TPST1: variants seen among roughly 807,000 people sequenced by gnomAD.
TPST1 encodes tyrosylprotein sulfotransferase 1, also known as protein-tyrosine sulfotransferase 1.
In TPST1, 20 loss-of-function variants were observed where a neutral mutation model predicts 34.8. The ratio of observed to expected loss-of-function variants is 0.57; its 90% CI spans 0.40 to 0.84. TPST1 has a LOEUF of 0.84. Among genes scored for constraint, TPST1 ranks in the 40% least tolerant of loss-of-function variants. The pLI is 0.00. For synonymous variants in TPST1, 152 were observed against 159.4 expected, an observed-to-expected ratio of 0.95 and a Z score of 0.35; for missense variants, 353 against 455.5, an observed-to-expected ratio of 0.78 and a Z score of 2.05.
Position 66,265,743 on chromosome 7 carries a change from G to A in TPST1, c.846-20768G>A, listed in dbSNP as rs555992421. ...AAGCCAAAGATAGAATCTTTAAAGC[G>A]GCAAGAGAAAAGCAGCTCATCATGT... On this transcript the variant is annotated intron_variant, in intron 2 of 5. Transcript: ENST00000304842. 2.6e-5 allele frequency among the ~76,000 whole-genome samples: 4 copies of A among 152,014 alleles called. No individual in the cohort carries two copies. The East Asian group carries it at 5.8e-4, about 22-fold the overall frequency.
intron 2 of TPST1, among the ~76,000 whole-genome samples, chr7:66,269,466 A>G (rs541852642): frequency 6.6e-6 from 1 of 152,250 alleles, no homozygotes; most frequent in Non-Finnish European, 1.5e-5. Flanking sequence ...TGTCAACAGA[A>G]TGTACTACAT....
At chr7:66,327,847 T>C (rs1308751176) in intron 3 of TPST1, among the ~76,000 whole-genome samples, 1 of 151,972 alleles carries the variant, frequency 6.6e-6, no homozygotes, top group Non-Finnish European at 1.5e-5. Flanking sequence ...CATTGGTACA[T>C]ATTTCTGGAG....
At chr7:66,230,738 G>A (rs904729130) in intron 1 of TPST1, among the ~76,000 whole-genome samples, 3 of 152,128 alleles carry the variant, frequency 2.0e-5, no homozygotes, top group Non-Finnish European at 4.4e-5. Context: ...AAGGGGACCC[G>A]AGCGGGTTGC....
At chr7:66,220,755 G>A (rs1216304048) in intron 1 of TPST1, among the ~76,000 whole-genome samples, 2 of 28,962 alleles carry the variant, frequency 6.9e-5, no homozygotes, top group Admixed American at 4.5e-4. Flanking sequence ...ACGTTATGGT[G>A]AGGACTTAAT....
intron 2 of TPST1, among the ~76,000 whole-genome samples, chr7:66,264,139 G>T (rs923432225): frequency 5.3e-5 from 8 of 152,182 alleles, no homozygotes; most frequent in East Asian, 1.9e-4. Flanking sequence ...ACTCAGAACT[G>T]CCCTACTTCT....
intron 1 of TPST1, among the ~76,000 whole-genome samples, chr7:66,213,866 G>A (rs1050989574): frequency 3.3e-5 from 5 of 151,938 alleles, no homozygotes; most frequent in Non-Finnish European, 7.4e-5. Context: ...GGTTTTCCTG[G>A]TTCTTGCTAC....
rs1790001866 is a variant in TPST1 at position 66,240,331 on chromosome 7, G to A, written c.-95G>A. 10 of 1,431,424 alleles carry A rather than the reference G, an allele frequency of 7.0e-6. No homozygotes were observed. Among genetic ancestry groups the A allele is most frequent in the South Asian group, 1.4e-5 (1 of 69,272 alleles). The allele number at this position is 1,431,424 out of a possible 1,614,324, so 88.7% of individuals were successfully genotyped here. ...CTTTTCCTTTCTCTACTAGATGTTGGTTATCTTTCTGAAGTAGACTGTCCA... is the reference window on the plus strand; with the variant it reads ...CTTTTCCTTTCTCTACTAGATGTTGATTATCTTTCTGAAGTAGACTGTCCA... On this transcript the variant is annotated 5_prime_UTR_variant, in exon 2 of 6. Transcript: ENST00000304842.
intron 3 of TPST1, among the ~76,000 whole-genome samples, chr7:66,305,355 T>C (rs1294977045): frequency 6.6e-6 from 1 of 152,164 alleles, no homozygotes; most frequent in Admixed American, 6.5e-5. Context: ...TGGTCTTTGT[T>C]CTTTGCCTGG....
intron 3 of TPST1, among the ~76,000 whole-genome samples, chr7:66,346,846 C>T (rs980399536): frequency 1.3e-5 from 2 of 151,892 alleles, no homozygotes; most frequent in African/African-American, 4.8e-5. Flanking sequence ...CCCATTTGTC[C>T]ATTTTTGCTT....
chr7:66,303,625 G>A (rs538777556), intron 3 of TPST1, among the ~76,000 whole-genome samples: 1 of 152,230 alleles, frequency 6.6e-6, no homozygotes, highest in African/African-American at 2.4e-5. Flanking sequence ...GCCCAGGCTG[G>A]TCTGAAGCTG....
At chr7:66,321,192 C>G (rs1201360276) in intron 3 of TPST1, among the ~76,000 whole-genome samples, 1 of 152,216 alleles carries the variant, frequency 6.6e-6, no homozygotes, top group Non-Finnish European at 1.5e-5. Flanking sequence ...TGCTCACTTT[C>G]CAATGTGCCC....
chr7:66,234,289 T>G (rs1210718805), intron 1 of TPST1, among the ~76,000 whole-genome samples: 1 of 152,228 alleles, frequency 6.6e-6, no homozygotes, highest in Non-Finnish European at 1.5e-5. Context: ...CTAAATGCCA[T>G]TTTAAAAGAA....
chr7:66,294,782 C>T (rs1032255105), intron 3 of TPST1, among the ~76,000 whole-genome samples: 2 of 151,714 alleles, frequency 1.3e-5, no homozygotes, highest in Admixed American at 6.6e-5. Flanking sequence ...TGTATTTTCT[C>T]TCCTCTGCAT....
chr7:66,342,954 C>G (rs1023034676), intron 3 of TPST1, among the ~76,000 whole-genome samples: 1 of 152,114 alleles, frequency 6.6e-6, no homozygotes, highest in African/African-American at 2.4e-5. Context: ...AAGGGAAACA[C>G]CCAACTGCAG....
chr7:66,327,241 G>A (rs566484400), intron 3 of TPST1, among the ~76,000 whole-genome samples: 1 of 152,238 alleles, frequency 6.6e-6, no homozygotes, highest in Admixed American at 6.5e-5. Context: ...AATGATGAAA[G>A]TTTGTCAGAA....
chr7:66,310,102 G>GA (rs1300063560), intron 3 of TPST1, among the ~76,000 whole-genome samples: 2 of 152,156 alleles, frequency 1.3e-5, no homozygotes, highest in Admixed American at 1.3e-4. Flanking sequence ...AGAAAGAATG[G>GA]ATAGTAGCCA....
intron 2 of TPST1, among the ~76,000 whole-genome samples, chr7:66,246,503 A>G (rs1313354963): frequency 4.6e-5 from 7 of 152,246 alleles, no homozygotes; most frequent in Non-Finnish European, 2.9e-5. Context: ...GAGAAGAAGC[A>G]GAACCAGAAC....
At chr7:66,304,099 G>A (rs12531677) in intron 3 of TPST1, among the ~76,000 whole-genome samples, 101,208 of 152,070 alleles carry the variant, frequency 0.67, 34,047 homozygotes, top group African/African-American at 0.76. Flanking sequence ...ATTAAGGCCT[G>A]TGCAAATATG....
chr7:66,256,204 G>A (rs1412005863), intron 2 of TPST1, among the ~76,000 whole-genome samples: 9 of 152,122 alleles, frequency 5.9e-5, no homozygotes, highest in Admixed American at 5.9e-4. Flanking sequence ...ATTGGTATAT[G>A]CTGTTAGTTT....
Sources: gnomAD v4.1 joint callset for allele counts (sites outside exome capture counted in the v4.1 genomes callset) on GRCh38, gnomAD v4.1.1 for gene constraint, MANE v1.5 for transcripts, NCBI Gene and HGNC (gene_info 2026-07-23, HGNC 2026-07-21) for gene names.